Variants in ITGA5 observed in about 807,000 individuals in gnomAD.
ITGA5 encodes the protein integrin subunit alpha 5.
Under a neutral mutation model 146.3 loss-of-function variants are expected in ITGA5, and 55 were observed. The ratio of observed to expected loss-of-function variants is 0.38; its 90% CI spans 0.30 to 0.47. ITGA5 has a LOEUF of 0.47. Among genes scored for constraint, ITGA5 ranks in the 20% least tolerant of loss-of-function variants. The probability of loss-of-function intolerance (pLI) is 0.99; values close to 1 mark genes in which losing one functional copy is unlikely to be tolerated. For missense variants in ITGA5, 1,131 were observed against 1,329.0 expected (o/e 0.85, Z 2.32); for synonymous variants, 500 against 531.8 (o/e 0.94, Z 0.82).
Position 54,403,562 on chromosome 12 carries a change from G to A in ITGA5, c.1776+63C>T. 8 of 1,532,772 alleles carry A rather than the reference G, an allele frequency of 5.2e-6. No individual in the cohort carries two copies. The highest frequency in any genetic ancestry group is 2.4e-5 in the South Asian group (2 of 82,674). The allele number at this position is 1,532,772 out of a possible 1,614,324, so 94.9% of individuals were successfully genotyped here. On this transcript the variant is annotated intron_variant, in intron 17 of 29. Coordinates refer to ENST00000293379, the MANE Select transcript of ITGA5 (RefSeq NM_002205.5). This position sits in a 1 kb window ranked among gnomAD's most constrained non-coding sequence, Gnocchi z 4.9. ...CCCCCAGTCTTTTTCCCTTCAGGAG[G>A]TGCCCTCAGTTCTGTGTGGCCACCC...
chr12:54,403,490 T>G lies in ITGA5; in HGVS notation c.1776+135A>C. The stretch of plus-strand genomic sequence containing the variant: ...GCTTCCCAGCTCCTCTGACAGAAGG[T>G]CTCCCTTTCTCAGCCCCTACAAGAG... On this transcript the variant is annotated intron_variant, in intron 17 of 29. Coordinates refer to ENST00000293379, the MANE Select transcript of ITGA5 (RefSeq NM_002205.5). The surrounding 1 kb of genome is among the most constrained non-coding windows in gnomAD (Gnocchi z 4.9). The G allele has an allele frequency of 1.6e-6, 2 of 1,264,842 alleles. No individual in the cohort carries two copies. The highest frequency in any genetic ancestry group is 2.2e-6 in the Non-Finnish European group (2 of 920,614). 78.4% of individuals were successfully genotyped at this position (1,264,842 alleles called of 1,614,324 possible). A position where few individuals can be genotyped will look rare whatever the true frequency, so the allele number is the denominator to read the frequency against.
In ITGA5 at chr12:54,412,003, T is replaced by G. The variant is rs376249322; in HGVS notation, c.219-39A>C. 328 of 1,515,546 alleles carry G rather than the reference T, an allele frequency of 2.2e-4. No homozygotes were observed. In the African/African-American group the frequency reaches 4.4e-3, roughly 20 times the overall value. The allele number at this position is 1,515,546 out of a possible 1,614,324, so 93.9% of individuals were successfully genotyped here. ...AAGCGAGGCAGTTGAGGATGGCTCC[T>G]AGCTTTTCATTGGTGTCTGGAGGCA... On this transcript the variant is annotated intron_variant, in intron 1 of 29. Coordinates refer to ENST00000293379, the MANE Select transcript of ITGA5 (RefSeq NM_002205.5).
Position 54,403,420 on chromosome 12 carries a change from G to T in ITGA5, c.1777-96C>A. 3 of 1,402,574 alleles carry T rather than the reference G, an allele frequency of 2.1e-6. No homozygotes were observed. The highest frequency in any genetic ancestry group is 1.4e-5 in the African/African-American group (1 of 69,534). The allele number at this position is 1,402,574 out of a possible 1,614,324, so 86.9% of individuals were successfully genotyped here. On this transcript the variant is annotated intron_variant, in intron 17 of 29. Coordinates refer to ENST00000293379, the MANE Select transcript of ITGA5 (RefSeq NM_002205.5). The surrounding 1 kb of genome is among the most constrained non-coding windows in gnomAD (Gnocchi z 4.9). The stretch of plus-strand genomic sequence containing the variant: ...TCTCATCTCCCTTTGTCTGCTTAGG[G>T]CCCAATTCCGACCATCCTCATTGTT...
chr12:54,402,172 C>T lies in ITGA5; in HGVS notation c.2133+8G>A, dbSNP rs1226454546. On this transcript the variant is annotated splice_region_variant and intron_variant, in intron 20 of 29. Coordinates refer to ENST00000293379, the MANE Select transcript of ITGA5 (RefSeq NM_002205.5). ...CCTCCCAAATCCCACTCGAGAGTCTCATCTCACCCCTGGGTGTCTGACGAG... is the reference window on the plus strand; with the variant it reads ...CCTCCCAAATCCCACTCGAGAGTCTTATCTCACCCCTGGGTGTCTGACGAG... 2 of 1,613,174 alleles carry T rather than the reference C, an allele frequency of 1.2e-6. No homozygotes were observed. Among genetic ancestry groups the T allele is most frequent in the African/African-American group, 2.7e-5 (2 of 74,896 alleles).
At position 54,409,285 on chromosome 12, in the gene ITGA5, T is replaced by G; in HGVS notation, c.530A>C (p.Tyr177Ser). ...TCGGGTGAAGTTATCTGTGGAGAGG[T>G]AGCAGGTGCCCACGGGGTCGCTCAG... is the stretch of plus-strand genomic sequence containing the variant. ...EPLSDPVGTC[Y>S]LSTDNFTRIL... The change falls in exon 4 of 30, where the codon TAC (tyrosine) becomes TCC (serine). Residue 177 changes from tyrosine (Y) to serine (S), a missense_variant. By Grantham distance (144) the Tyr-to-Ser change is moderately radical (BLOSUM62 -2). This residue lies in a region of ITGA5 where 67 missense variants were observed against 128.2 expected (regional missense o/e 0.52). Transcript: ENST00000293379. This position sits in a 1 kb window ranked among gnomAD's most constrained non-coding sequence, Gnocchi z 4.7. The G allele has an allele frequency of 6.2e-7, 1 of 1,613,914 alleles. No homozygotes were observed. Among genetic ancestry groups the G allele is most frequent in the Non-Finnish European group, 8.5e-7 (1 of 1,179,956 alleles).
chr12:54,404,783 A>G lies in ITGA5; in HGVS notation c.1337T>C (p.Leu446Pro), dbSNP rs1955840130. The change falls in exon 13 of 30, where the codon CTG becomes CCG. Residue 446 changes from leucine (L) to proline (P), a missense_variant. Physicochemically the swap from Leu to Pro is moderately conservative, Grantham distance 98. This residue lies in a region of ITGA5 where 889 missense variants were observed against 1,021.5 expected (regional missense o/e 0.87). Transcript: ENST00000293379. ...GSKPSQVLQP[L>P]WAASHTPDFF... is the part of the protein sequence containing the mutation. The stretch of plus-strand genomic sequence containing the variant: ...GTCTGGGGTGTGGCTGGCTGCCCAC[A>G]GGGGCTGCAGAACCTGGGAAGGCTT... The G allele has an allele frequency of 1.9e-6, 3 of 1,613,862 alleles. No homozygotes were observed.
intron 27 of ITGA5, 65 bp downstream of exon 27, chr12:54,399,580 A>C (rs2120474084): frequency 8.8e-7 from 1 of 1,135,650 alleles, no homozygotes; most frequent in East Asian, 2.3e-5. Context: ...GCAGTGGAGA[A>C]AGGGGTGGGT....
Position 54,403,483 on chromosome 12 carries a change from C to T in ITGA5, c.1776+142G>A. Reference sequence around the variant, plus strand: ...GCAGCCTGCTTCCCAGCTCCTCTGACAGAAGGTCTCCCTTTCTCAGCCCCT... The same window carrying T: ...GCAGCCTGCTTCCCAGCTCCTCTGATAGAAGGTCTCCCTTTCTCAGCCCCT... On this transcript the variant is annotated intron_variant, in intron 17 of 29. Coordinates refer to ENST00000293379, the MANE Select transcript of ITGA5 (RefSeq NM_002205.5). This position sits in a 1 kb window ranked among gnomAD's most constrained non-coding sequence, Gnocchi z 4.9. The T allele has an allele frequency of 7.9e-7, 1 of 1,269,510 alleles. No individual in the cohort carries two copies. The highest frequency in any genetic ancestry group is 1.1e-6 in the Non-Finnish European group (1 of 924,156). 78.6% of individuals were successfully genotyped at this position (1,269,510 alleles called of 1,614,324 possible). A position where few individuals can be genotyped will look rare whatever the true frequency, so the allele number is the denominator to read the frequency against.
chr12:54,418,587 C>T (rs1425159114), intron 1 of ITGA5, among the ~76,000 whole-genome samples: 4 of 151,934 alleles, frequency 2.6e-5, no homozygotes, highest in African/African-American at 9.7e-5. Flanking sequence ...CCCCAAAAGC[C>T]CTTCCCGGCC....
In ITGA5 at chr12:54,411,999, C is replaced by T. The variant is rs756125494; in HGVS notation, c.219-35G>A. The T allele has an allele frequency of 7.2e-6, 11 of 1,522,392 alleles. No individual in the cohort carries two copies. In the East Asian group the frequency reaches 1.9e-4, roughly 27 times the overall value. 94.3% of individuals were successfully genotyped at this position (1,522,392 alleles called of 1,614,324 possible). A position where few individuals can be genotyped will look rare whatever the true frequency, so the allele number is the denominator to read the frequency against. Reference sequence around the variant, plus strand: ...GGAAAAGCGAGGCAGTTGAGGATGGCTCCTAGCTTTTCATTGGTGTCTGGA... The same window carrying T: ...GGAAAAGCGAGGCAGTTGAGGATGGTTCCTAGCTTTTCATTGGTGTCTGGA... On this transcript the variant is annotated intron_variant, in intron 1 of 29. Transcript: ENST00000293379.
intron 25 of ITGA5, 150 bp from the exon 26 acceptor site, chr12:54,400,097 G>A (rs1955769010): frequency 1.6e-6 from 1 of 622,014 alleles, no homozygotes; most frequent in African/African-American, 1.8e-5. Flanking sequence ...AAGGCACTGA[G>A]CTCAGGGTTA....
rs756697620 is a variant in ITGA5, at chr12:54,408,791, A to G, written c.656T>C (p.Val219Ala). ...FSAEFTKTGRVVLGGPGSYFW... is the reference protein window; with the variant it reads ...FSAEFTKTGRAVLGGPGSYFW... ...ATAGCTTCCTGGTCCACCTAAAACC[A>G]CACGGCCAGTCTGTGGGTGAAAGGA... is the stretch of plus-strand genomic sequence containing the variant. Residue 219 changes from valine (V) to alanine (A), a missense_variant, in exon 6 of 30, where the codon GTG (valine) becomes GCG (alanine). Val to Ala is a moderately conservative substitution (Grantham distance 64, BLOSUM62 0). Around this residue, in one of 3 missense-constraint regions of ITGA5, gnomAD observed 67 missense variants for 128.2 expected, o/e 0.52. Transcript: ENST00000293379. The G allele has an allele frequency of 6.2e-7, 1 of 1,613,404 alleles. No homozygotes were observed. Among genetic ancestry groups the G allele is most frequent in the Non-Finnish European group, 8.5e-7 (1 of 1,179,922 alleles).
Position 54,403,147 on chromosome 12 carries a change from C to T in ITGA5, c.1914+40G>A. 3 of 1,586,708 alleles carry T rather than the reference C, an allele frequency of 1.9e-6. No individual in the cohort carries two copies. The highest frequency in any genetic ancestry group is 2.3e-5 in the South Asian group (2 of 87,138). Reference sequence around the variant, plus strand: ...GGCCCTGCCCCCCCAATACCCAGGCCTCTGTCTTCCCAGGTCCCTTCTCCC... The same window carrying T: ...GGCCCTGCCCCCCCAATACCCAGGCTTCTGTCTTCCCAGGTCCCTTCTCCC... On this transcript the variant is annotated intron_variant, in intron 18 of 29. Coordinates refer to ENST00000293379, the MANE Select transcript of ITGA5 (RefSeq NM_002205.5). This position sits in a 1 kb window ranked among gnomAD's most constrained non-coding sequence, Gnocchi z 4.9.
chr12:54,417,044 G>A (rs1956015668), intron 1 of ITGA5, among the ~76,000 whole-genome samples: 1 of 152,082 alleles, frequency 6.6e-6, no homozygotes, highest in African/African-American at 2.4e-5. Context: ...CACTGTAAGA[G>A]GGTATTGTAA....
chr12:54,400,912 T>C lies in ITGA5; in HGVS notation c.2577A>G (p.Leu859=), dbSNP rs142824501. The change falls in exon 25 of 30, where the codon CTA becomes CTG. Residue 859 remains leucine (L), a synonymous_variant. Coordinates refer to ENST00000293379, the MANE Select transcript of ITGA5 (RefSeq NM_002205.5). ...CPQALEGQQL[L]YVTRVTGLNC... Reference sequence around the variant, plus strand: ...TGAGTCCCGTAACTCTGGTCACATATAGGAGCTGCTGACCTTCCAGAGCCT... The same window carrying C: ...TGAGTCCCGTAACTCTGGTCACATACAGGAGCTGCTGACCTTCCAGAGCCT... 46 of 1,613,916 alleles carry C rather than the reference T, an allele frequency of 2.9e-5. No individual in the cohort carries two copies. The highest frequency in any genetic ancestry group is 3.5e-5 in the Non-Finnish European group (41 of 1,179,962).
Position 54,399,642 on chromosome 12 carries a change from C to T in ITGA5, c.2841+3G>A. The stretch of plus-strand genomic sequence containing the variant: ...GGTCAGGGCTGAGGTAAGGCTCCCT[C>T]ACCTGCAAGAAAGTCTTGGCCCAGA... On this transcript the variant is annotated splice_donor_region_variant and intron_variant, in intron 27 of 29. Coordinates refer to ENST00000293379, the MANE Select transcript of ITGA5 (RefSeq NM_002205.5). 6.2e-7 allele frequency: 1 copy of T among 1,605,776 alleles called. No individual in the cohort carries two copies. Among genetic ancestry groups the T allele is most frequent in the Non-Finnish European group, 8.5e-7 (1 of 1,172,310 alleles).
rs1261849939 is a variant in ITGA5 at position 54,399,961 on chromosome 12, T to C, written c.2644-14A>G. On this transcript the variant is annotated splice_polypyrimidine_tract_variant and intron_variant, in intron 25 of 29. Transcript: ENST00000293379. ...CTCGGGATCCAACTATAAAAGAAAG[T>C]GTTGGGCCCCTTTCCCATCTCATTA... The C allele has an allele frequency of 1.2e-6, 2 of 1,603,132 alleles. No homozygotes were observed. The highest frequency in any genetic ancestry group is 2.2e-5 in the East Asian group (1 of 44,826).
chr12:54,404,457 A>G lies in ITGA5; in HGVS notation c.1436T>C (p.Phe479Ser), dbSNP rs1256171820. The change falls in exon 14 of 30, where the codon TTT becomes TCT. Residue 479 changes from phenylalanine (F) to serine (S), a missense_variant. By Grantham distance (155) the Phe-to-Ser change is radical (BLOSUM62 -2). This residue lies in a region of ITGA5 where 889 missense variants were observed against 1,021.5 expected (regional missense o/e 0.87). Coordinates refer to ENST00000293379, the MANE Select transcript of ITGA5 (RefSeq NM_002205.5). ...NGYPDLIVGS[F>S]GVDKAVVYRG... ...GTATACCACAGCCTTGTCCACACCA[A>G]AGGACCCCACAATCAGATCTGTAAG... 6.2e-7 allele frequency: 1 copy of G among 1,614,176 alleles called. No individual in the cohort carries two copies. Among genetic ancestry groups the G allele is most frequent in the Non-Finnish European group, 8.5e-7 (1 of 1,180,012 alleles).
intron 1 of ITGA5, among the ~76,000 whole-genome samples, chr12:54,418,000 G>A (rs1956028142): frequency 6.6e-6 from 1 of 152,128 alleles, no homozygotes; most frequent in Non-Finnish European, 1.5e-5. Flanking sequence ...TCACTGTGCT[G>A]AGTTGGGAAT....
Sources: allele counts gnomAD v4.1 joint callset (sites outside exome capture counted in the v4.1 genomes callset), GRCh38; gene constraint gnomAD v4.1.1; regional missense constraint gnomAD v4.1.1; non-coding constraint Gnocchi (gnomAD v3.1); transcripts MANE v1.5; gene names NCBI Gene and HGNC (gene_info 2026-07-23, HGNC 2026-07-21).